KDM4C: variants seen among roughly 807,000 people sequenced by gnomAD.
KDM4C encodes the protein lysine-specific demethylase 4C.
KDM4C carries 81 observed loss-of-function variants against 129.3 expected under a neutral mutation model. The ratio of observed to expected loss-of-function variants is 0.63; its 90% CI spans 0.52 to 0.75. The LOEUF (loss-of-function observed/expected upper bound fraction) is 0.75, where lower values mean the gene tolerates loss of function less well. Ranked by LOEUF, KDM4C falls within the 30% of genes least tolerant of loss-of-function variation. The pLI, the probability that KDM4C is intolerant of heterozygous loss-of-function variation, is 0.00. For synonymous variants in KDM4C, 573 were observed against 456.1 expected, an observed-to-expected ratio of 1.26 and a Z score of -3.26; for missense variants, 1,457 against 1,304.0, an observed-to-expected ratio of 1.12 and a Z score of -1.81.
chr9:6,922,669 C>T (rs1821749698), intron 8 of KDM4C, among the ~76,000 whole-genome samples: 2 of 152,208 alleles, frequency 1.3e-5, no homozygotes, highest in South Asian at 4.1e-4. Context: ...ATCACCTGAG[C>T]CTGGGAGATT....
chr9:6,812,634 G>A (rs1179852359), intron 3 of KDM4C, among the ~76,000 whole-genome samples: 1 of 152,138 alleles, frequency 6.6e-6, no homozygotes, highest in Non-Finnish European at 1.5e-5. Context: ...TGGAACTCAG[G>A]CAGTAATGCT....
intron 4 of KDM4C, among the ~76,000 whole-genome samples, chr9:6,818,434 G>A (rs1272574933): frequency 6.6e-6 from 1 of 152,182 alleles, no homozygotes; most frequent in African/African-American, 2.4e-5. Context: ...CATAGGCAGG[G>A]GCAAGTTATG....
At chr9:7,169,983 C>T in intron 21 of KDM4C, 93 bp downstream of exon 21, 3 of 1,585,874 alleles carry the variant, frequency 1.9e-6, no homozygotes, top group Non-Finnish European at 2.6e-6. Context: ...CATACTTGGG[C>T]TTTTGGATTA....
chr9:7,126,247 T>C (rs1587767971), intron 18 of KDM4C, among the ~76,000 whole-genome samples: 1 of 152,292 alleles, frequency 6.6e-6, no homozygotes, highest in East Asian at 1.9e-4. Context: ...GAGTCTACAA[T>C]TCATGCCCAT....
At position 6,828,698 on chromosome 9, in the gene KDM4C, T is replaced by A. The variant is rs536404205; in HGVS notation, c.435+13953T>A. On this transcript the variant is annotated intron_variant, in intron 4 of 21. Transcript: ENST00000381309. ...CCAACCTGGCCAAAGTGGAGAAACCTCGTCTCTACTAAAAAATATAAAATT... is the reference window on the plus strand; with the variant it reads ...CCAACCTGGCCAAAGTGGAGAAACCACGTCTCTACTAAAAAATATAAAATT... Among the ~76,000 whole-genome samples the A allele has an allele frequency of 3.3e-5, 5 of 152,070 alleles. No homozygotes were observed. In the South Asian group the frequency reaches 1.0e-3, roughly 32 times the overall value.
intron 5 of KDM4C, among the ~76,000 whole-genome samples, chr9:6,858,383 C>T (rs1452548883): frequency 1.3e-5 from 2 of 152,106 alleles, no homozygotes; most frequent in East Asian, 1.9e-4. Context: ...ACAACATTGA[C>T]ATCCCTTCAA....
At chr9:6,731,883 C>T (rs942363767) in intron 1 of KDM4C, among the ~76,000 whole-genome samples, 1 of 152,094 alleles carries the variant, frequency 6.6e-6, no homozygotes, top group Non-Finnish European at 1.5e-5. Context: ...CAGCTCTTGT[C>T]ATTCCAGTTG....
intron 12 of KDM4C, among the ~76,000 whole-genome samples, chr9:6,997,740 A>C (rs1016990531): frequency 6.6e-6 from 1 of 152,232 alleles, no homozygotes; most frequent in African/African-American, 2.4e-5. Flanking sequence ...AGGCTTGGTC[A>C]TGAATGATAA....
At chr9:7,104,174 G>C in intron 18 of KDM4C, 2 of 309,634 alleles carry the variant, frequency 6.5e-6, no homozygotes, top group East Asian at 1.2e-4. Flanking sequence ...CAGGGCTGCT[G>C]AGCTTGGTTG....
intron 4 of KDM4C, among the ~76,000 whole-genome samples, chr9:6,832,922 G>C (rs886702001): frequency 6.7e-6 from 1 of 149,948 alleles, no homozygotes; most frequent in African/African-American, 2.5e-5. Flanking sequence ...TTTTAGTAGA[G>C]ATGGGGTTTC....
At chr9:7,057,779 G>C (rs1831064399) in intron 17 of KDM4C, among the ~76,000 whole-genome samples, 2 of 152,186 alleles carry the variant, frequency 1.3e-5, no homozygotes, top group African/African-American at 2.4e-5. Context: ...GCATAGAAGG[G>C]CTCTTCTGCA....
At chr9:7,154,885 C>A (rs972975247) in intron 19 of KDM4C, among the ~76,000 whole-genome samples, 1 of 152,116 alleles carries the variant, frequency 6.6e-6, no homozygotes, top group African/African-American at 2.4e-5. Context: ...GTACAGCAAA[C>A]GGCAAACAGC....
chr9:6,919,247 T>TTTCTTTCTTTTCTTTC, intron 8 of KDM4C, among the ~76,000 whole-genome samples: 12 of 106,292 alleles, frequency 1.1e-4, no homozygotes, highest in Non-Finnish European at 1.8e-4. Flanking sequence ...TCTTTCTTTC[T>TTTCTTTCTTTTCTTTC]TTTCTTTCTT....
intron 8 of KDM4C, among the ~76,000 whole-genome samples, chr9:6,963,868 C>T (rs1157544736): frequency 6.6e-6 from 1 of 152,170 alleles, no homozygotes; most frequent in Non-Finnish European, 1.5e-5. Context: ...CATTTTTAAT[C>T]CTTCTGTTTC....
At position 7,175,500 on chromosome 9, in the gene KDM4C, T is replaced by G. The variant is rs372054505; in HGVS notation, c.*771T>G. The G allele has an allele frequency of 6.5e-6, 1 of 152,678 alleles. No individual in the cohort carries two copies. Among genetic ancestry groups the G allele is most frequent in the Non-Finnish European group, 1.5e-5 (1 of 68,054 alleles). 9.5% of individuals were successfully genotyped at this position (152,678 alleles called of 1,614,324 possible). A position where few individuals can be genotyped will look rare whatever the true frequency, so the allele number is the denominator to read the frequency against. ...ATTCCGAGTAGATATTTATAAAATA[T>G]ATGTTTCTTTCATTATGTGTTTGTA... On this transcript the variant is annotated 3_prime_UTR_variant, in exon 22 of 22. Coordinates refer to ENST00000381309, the MANE Select transcript of KDM4C (RefSeq NM_015061.6).
At chr9:6,853,522 G>A (rs1487732364) in intron 5 of KDM4C, among the ~76,000 whole-genome samples, 2 of 151,974 alleles carry the variant, frequency 1.3e-5, no homozygotes, top group Non-Finnish European at 2.9e-5. Flanking sequence ...AAAAATAAAA[G>A]CCTAAAAGGT....
chr9:6,749,620 A>T (rs1424259046), intron 1 of KDM4C, among the ~76,000 whole-genome samples: 1 of 152,012 alleles, frequency 6.6e-6, no homozygotes, highest in Non-Finnish European at 1.5e-5. Context: ...ATGAGCTATG[A>T]TTGCACCACT....
At chr9:6,973,364 T>G (rs1246674943) in intron 8 of KDM4C, among the ~76,000 whole-genome samples, 1 of 152,148 alleles carries the variant, frequency 6.6e-6, no homozygotes, top group Non-Finnish European at 1.5e-5. Context: ...ATTGTTAACA[T>G]TAGAAAATCA....
chr9:6,932,828 A>G (rs889397038), intron 8 of KDM4C, among the ~76,000 whole-genome samples: 59 of 152,216 alleles, frequency 3.9e-4, no homozygotes, highest in African/African-American at 1.4e-3. Context: ...ACTGCAAAAC[A>G]TCGTACAATA....
Sources: allele counts gnomAD v4.1 joint callset (sites outside exome capture counted in the v4.1 genomes callset), GRCh38; gene constraint gnomAD v4.1.1; transcripts MANE v1.5; gene names NCBI Gene and HGNC (gene_info 2026-07-23, HGNC 2026-07-21).